The following MAPT variants were observed in gnomAD, a reference collection of about 807,000 sequenced individuals.
The protein encoded by MAPT is microtubule associated protein tau.
MAPT carries 34 observed loss-of-function variants against 67.9 expected under a neutral mutation model. That is an observed-to-expected ratio of 0.50 (90% confidence interval 0.38 to 0.67). MAPT has a LOEUF of 0.67. MAPT is among the 30% of genes least tolerant of loss of function. The pLI, the probability that MAPT is intolerant of heterozygous loss-of-function variation, is 0.00. For missense variants in MAPT, 881 were observed against 1,115.2 expected (o/e 0.79, Z 2.99); for synonymous variants, 456 against 464.5 (o/e 0.98, Z 0.23).
In MAPT at chr17:45,962,318, C is replaced by T. The variant is rs368954564; in HGVS notation, c.-17-3C>T. 4.1e-5 allele frequency: 66 copies of T among 1,611,338 alleles called. No homozygotes were observed. The African/African-American group carries it at 8.3e-4, about 20-fold the overall frequency. On this transcript the variant is annotated splice_region_variant and splice_polypyrimidine_tract_variant and intron_variant, in intron 1 of 12. Transcript: ENST00000262410. Reference sequence around the variant, plus strand: ...AACTTATCCTCTCCTCTTCTTTCCCCAGGTGAACTTTGAACCAGGATGGCT... The same window carrying T: ...AACTTATCCTCTCCTCTTCTTTCCCTAGGTGAACTTTGAACCAGGATGGCT...
At chr17:45,974,578 C>A in intron 3 of MAPT, 1 of 877,072 alleles carries the variant, frequency 1.1e-6, no homozygotes, top group Non-Finnish European at 1.8e-6. Flanking sequence ...TCCTGTGGGG[C>A]AGGAACATGG....
At chr17:45,909,483 C>G (rs1271656042) in intron 1 of MAPT, among the ~76,000 whole-genome samples, 1 of 152,126 alleles carries the variant, frequency 6.6e-6, no homozygotes, top group Non-Finnish European at 1.5e-5. Flanking sequence ...TCCTATAATC[C>G]CAGCACTTTG....
chr17:45,997,055 T>C (rs1385295803), intron 9 of MAPT, among the ~76,000 whole-genome samples: 1 of 152,188 alleles, frequency 6.6e-6, no homozygotes, highest in East Asian at 1.9e-4. Flanking sequence ...CAGAATACAC[T>C]GCCACCCATA....
chr17:45,997,325 C>T (rs2074569674), intron 9 of MAPT, among the ~76,000 whole-genome samples: 1 of 152,188 alleles, frequency 6.6e-6, no homozygotes, highest in Non-Finnish European at 1.5e-5. Context: ...AGCAGTATGC[C>T]TCCTCACTAG....
chr17:45,954,111 A>G (rs1025246662), intron 1 of MAPT, among the ~76,000 whole-genome samples: 8 of 152,190 alleles, frequency 5.3e-5, no homozygotes, highest in African/African-American at 1.9e-4. Context: ...TGATTTTCAC[A>G]TTTTTAAGTG....
intron 12 of MAPT, among the ~76,000 whole-genome samples, chr17:46,021,416 C>T (rs2076522030): frequency 6.6e-6 from 1 of 152,210 alleles, no homozygotes; most frequent in African/African-American, 2.4e-5. Flanking sequence ...GGCAGGGCCT[C>T]CCAGCCTCGG....
chr17:45,978,164 G>A, intron 3 of MAPT: 1 of 616,168 alleles, frequency 1.6e-6, no homozygotes, highest in Middle Eastern at 2.6e-4. Flanking sequence ...CTGCATGTGG[G>A]TGCTGTGCCT....
At chr17:45,974,398 C>G (rs776480900) in intron 3 of MAPT, 1 of 1,609,054 alleles carries the variant, frequency 6.2e-7, no homozygotes, top group African/African-American at 1.3e-5. Context: ...TGACAGCACC[C>G]TTAGTGGATG....
chr17:45,983,132 G>A lies in MAPT; in HGVS notation c.553G>A (p.Gly185Ser), dbSNP rs756354168. 3.8e-6 allele frequency: 6 copies of A among 1,583,006 alleles called. No homozygotes were observed. In the Admixed American group the frequency reaches 7.2e-5, roughly 19 times the overall value. Residue 185 changes from glycine to serine, a missense_variant, in exon 5 of 13, where the codon GGT (glycine) becomes AGT (serine). Coordinates refer to ENST00000262410, the MANE Select transcript of MAPT (RefSeq NM_001377265.1). ...AAAAGGCGGGGACTGGGCCGAGAAG[G>A]GTCCGGCCTTTCCGAAGCCCGCCAC... Reference protein sequence around the residue: ...GQKGGDWAEKGPAFPKPATTA... With the variant: ...GQKGGDWAEKSPAFPKPATTA...
intron 1 of MAPT, chr17:45,898,595 C>T (rs2063418686): frequency 6.6e-6 from 1 of 152,146 alleles, no homozygotes; most frequent in South Asian, 2.1e-4. Context: ...TTTCCCTCAG[C>T]ATTTATGTGT....
chr17:46,021,424 C>T lies in MAPT; in HGVS notation c.2287-2532C>T, dbSNP rs1055146052. 4.1e-4 allele frequency among the ~76,000 whole-genome samples: 63 copies of T among 152,142 alleles called. 1 individual carries two copies. The highest frequency in any genetic ancestry group is 1.3e-4 in the Admixed American group (2 of 15,282). On this transcript the variant is annotated intron_variant, in intron 12 of 12. Coordinates refer to ENST00000262410, the MANE Select transcript of MAPT (RefSeq NM_001377265.1). ...GGTCTAAGGCAGGGCCTCCCAGCCT[C>T]GGGGCACTTTAAAGATATCTGGGCC...
intron 12 of MAPT, 91 bp from the exon 13 acceptor site, chr17:46,023,865 G>A (rs2076680047): frequency 9.3e-7 from 1 of 1,073,826 alleles, no homozygotes; most frequent in Non-Finnish European, 1.4e-6. Context: ...AACAGTCCCT[G>A]GCACTCTGGG....
chr17:45,966,597 A>G (rs2071105961), intron 2 of MAPT, among the ~76,000 whole-genome samples: 1 of 152,218 alleles, frequency 6.6e-6, no homozygotes, highest in African/African-American at 2.4e-5. Context: ...TCAAAAAACA[A>G]AAATGAAATA....
intron 1 of MAPT, among the ~76,000 whole-genome samples, chr17:45,956,584 A>G (rs2069717076): frequency 6.8e-4 from 3 of 4,418 alleles, no homozygotes; most frequent in African/African-American, 1.1e-3. Context: ...ATATATATAT[A>G]TATATATATA....
intron 1 of MAPT, among the ~76,000 whole-genome samples, chr17:45,917,160 G>A (rs762326969): frequency 6.6e-6 from 1 of 152,208 alleles, no homozygotes; most frequent in Non-Finnish European, 1.5e-5. Context: ...CTCTTTCCCT[G>A]CAGCCTCCTG....
At chr17:45,946,362 GA>G (rs1335729372) in intron 1 of MAPT, among the ~76,000 whole-genome samples, 23 of 152,144 alleles carry the variant, frequency 1.5e-4, no homozygotes, top group Middle Eastern at 3.4e-3. Flanking sequence ...ACCACTTTGG[GA>G]GGCTGAGGTG....
rs578103499 is a variant in MAPT, at chr17:45,922,565, A to G, written c.-18+27879A>G. Among the ~76,000 whole-genome samples the G allele has an allele frequency of 9.5e-4, 145 of 151,884 alleles. 1 individual carries two copies. The highest frequency in any genetic ancestry group is 3.3e-3 in the African/African-American group (139 of 41,494). On this transcript the variant is annotated intron_variant, in intron 1 of 12. Transcript: ENST00000262410. ...TTTATATTCTACCTATATGCAATAA[A>G]GGTATTATTATGTTGAGGTGCCTTG...
chr17:46,020,123 T>C (rs941578272), intron 12 of MAPT, among the ~76,000 whole-genome samples: 1 of 151,284 alleles, frequency 6.6e-6, no homozygotes, highest in African/African-American at 2.4e-5. Context: ...GAACAAGTCA[T>C]GGGAACATAA....
At chr17:45,931,816 G>C (rs1004079433) in intron 1 of MAPT, 1 of 152,174 alleles carries the variant, frequency 6.6e-6, no homozygotes, top group Non-Finnish European at 1.5e-5. Flanking sequence ...GCTGGGTGTG[G>C]TGGCTCACAC....
Sources: allele counts gnomAD v4.1 joint callset (sites outside exome capture counted in the v4.1 genomes callset), GRCh38; gene constraint gnomAD v4.1.1; transcripts MANE v1.5; gene names NCBI Gene and HGNC (gene_info 2026-07-23, HGNC 2026-07-21).